The following PPARGC1A variants were observed in gnomAD, a reference collection of about 807,000 sequenced individuals.
The protein encoded by PPARGC1A is peroxisome proliferator-activated receptor gamma coactivator 1-alpha.
In PPARGC1A, 25 loss-of-function variants were observed where a neutral mutation model predicts 88.7. The ratio of observed to expected loss-of-function variants is 0.28; its 90% CI spans 0.21 to 0.39. The LOEUF (loss-of-function observed/expected upper bound fraction) is 0.39. Ranked by LOEUF, PPARGC1A falls within the 10% of genes least tolerant of loss-of-function variation. The pLI is 1.00. For synonymous variants in PPARGC1A, 363 were observed against 355.6 expected (o/e 1.02, Z -0.24); for missense variants, 880 against 968.7 (o/e 0.91, Z 1.22).
chr4:24,091,350 A>G, the PPARGC1A span: 11 of 794,126 alleles, frequency 1.4e-5, no homozygotes, highest in Non-Finnish European at 1.7e-5. Context: ...CTTTTTTCAA[A>G]AGGACGTGCT....
chr4:24,255,039 G>A, the PPARGC1A span, among the ~76,000 whole-genome samples: 1 of 152,102 alleles, frequency 6.6e-6, no homozygotes, highest in Admixed American at 6.5e-5. Context: ...CATATTTCAG[G>A]GGAAAATGTC....
At chr4:24,266,018 C>G in the PPARGC1A span, among the ~76,000 whole-genome samples, 1 of 152,068 alleles carries the variant, frequency 6.6e-6, no homozygotes, top group East Asian at 1.9e-4. Flanking sequence ...TTAAATTAAC[C>G]CAAGCCCGTA....
At chr4:24,281,443 G>A in the PPARGC1A span, among the ~76,000 whole-genome samples, 2,383 of 152,190 alleles carry the variant, frequency 0.016, 56 homozygotes, top group African/African-American at 0.054. Context: ...GAAGAGTGAG[G>A]TGCCAGGCTC....
the PPARGC1A span, among the ~76,000 whole-genome samples, chr4:24,090,109 T>C: frequency 0.019 from 2,895 of 152,238 alleles, 95 homozygotes; most frequent in African/African-American, 0.061. Flanking sequence ...CCCTTCACTC[T>C]CCTTTGAAAT....
the PPARGC1A span, among the ~76,000 whole-genome samples, chr4:24,275,124 C>A: frequency 6.6e-6 from 1 of 152,228 alleles, no homozygotes; most frequent in African/African-American, 2.4e-5. Flanking sequence ...ATTTTAGTTT[C>A]ACATATGGCC....
chr4:24,349,292 C>A, the PPARGC1A span, among the ~76,000 whole-genome samples: 6 of 152,262 alleles, frequency 3.9e-5, no homozygotes, highest in South Asian at 1.2e-3. Context: ...CAGGAGGTGG[C>A]GCTTTCCAGA....
At chr4:23,803,688 T>C (rs1027745514) in intron 10 of PPARGC1A, among the ~76,000 whole-genome samples, 1 of 152,194 alleles carries the variant, frequency 6.6e-6, no homozygotes, top group Non-Finnish European at 1.5e-5. Context: ...ACCAACTAGT[T>C]TGTATGTATA....
chr4:24,419,695 C>A, the PPARGC1A span, among the ~76,000 whole-genome samples: 1 of 151,986 alleles, frequency 6.6e-6, no homozygotes. Flanking sequence ...TCAATTCTTT[C>A]CAGAGAGGAA....
the PPARGC1A span, among the ~76,000 whole-genome samples, chr4:24,152,677 TTTAA>T: frequency 5.9e-5 from 9 of 152,258 alleles, no homozygotes; most frequent in African/African-American, 1.9e-4. Context: ...CATTTGCTAA[TTTAA>T]TTAATTAACT....
At chr4:24,154,430 T>C in the PPARGC1A span, among the ~76,000 whole-genome samples, 1 of 152,210 alleles carries the variant, frequency 6.6e-6, no homozygotes, top group Non-Finnish European at 1.5e-5. Context: ...TCTGAACATT[T>C]GTATTGTATG....
At chr4:24,470,355 C>A in the PPARGC1A span, among the ~76,000 whole-genome samples, 7 of 151,916 alleles carry the variant, frequency 4.6e-5, no homozygotes, top group East Asian at 1.4e-3. This position sits in a 1 kb window ranked among gnomAD's most constrained non-coding sequence, Gnocchi z 5.8. Context: ...CGCGGACGCC[C>A]GCTCCTGGAG....
intron 10 of PPARGC1A, among the ~76,000 whole-genome samples, chr4:23,803,732 T>C (rs939261519): frequency 6.6e-6 from 1 of 152,196 alleles, no homozygotes; most frequent in African/African-American, 2.4e-5. Context: ...GAATTTAAGG[T>C]TGCAGAGATT....
the PPARGC1A span, among the ~76,000 whole-genome samples, chr4:23,994,241 T>C: frequency 6.6e-6 from 1 of 152,128 alleles, no homozygotes; most frequent in Non-Finnish European, 1.5e-5. Flanking sequence ...AAGTAACCCG[T>C]TAAAGGCTCC....
the PPARGC1A span, among the ~76,000 whole-genome samples, chr4:24,264,673 T>C: frequency 1.3e-5 from 2 of 152,238 alleles, no homozygotes; most frequent in Non-Finnish European, 2.9e-5. Flanking sequence ...CCCAGCACAG[T>C]GCCTGCTACT....
chr4:24,208,682 A>AAAAAAT, the PPARGC1A span, among the ~76,000 whole-genome samples: 400 of 134,964 alleles, frequency 3.0e-3, 1 homozygote, highest in African/African-American at 5.8e-3. Flanking sequence ...TCAGAAAAAA[A>AAAAAAT]ATATATATAT....
the PPARGC1A span, among the ~76,000 whole-genome samples, chr4:24,253,961 A>C: frequency 6.6e-6 from 1 of 152,232 alleles, no homozygotes; most frequent in African/African-American, 2.4e-5. Flanking sequence ...ATGATGGACC[A>C]GTTCCTGCTC....
the PPARGC1A span, among the ~76,000 whole-genome samples, chr4:24,198,179 T>A: frequency 5.3e-5 from 8 of 152,196 alleles, no homozygotes; most frequent in Non-Finnish European, 7.3e-5. Context: ...TTCAACACTG[T>A]CTCATGAAAT....
At chr4:23,873,076 C>A (rs1242210543) in intron 2 of PPARGC1A, among the ~76,000 whole-genome samples, 4 of 151,838 alleles carry the variant, frequency 2.6e-5, no homozygotes, top group Non-Finnish European at 1.5e-5. Flanking sequence ...CACCTGTAGT[C>A]CCAGCTACTC....
chr4:24,040,509 G>A, the PPARGC1A span, among the ~76,000 whole-genome samples: 5 of 152,170 alleles, frequency 3.3e-5, no homozygotes, highest in African/African-American at 1.2e-4. Flanking sequence ...AAGAGAGCGT[G>A]TGGCACAAGC....
Sources: allele counts gnomAD v4.1 joint callset (sites outside exome capture counted in the v4.1 genomes callset), GRCh38; gene constraint gnomAD v4.1.1; non-coding constraint Gnocchi (gnomAD v3.1); transcripts MANE v1.5; gene names NCBI Gene and HGNC (gene_info 2026-07-23, HGNC 2026-07-21).